PCSK5: variants seen among roughly 807,000 people sequenced by gnomAD.
PCSK5 encodes prohormone convertase 5.
Under a neutral mutation model 233.2 loss-of-function variants are expected in PCSK5, and 129 were observed. The ratio of observed to expected loss-of-function variants is 0.55; its 90% CI spans 0.48 to 0.64. The LOEUF (loss-of-function observed/expected upper bound fraction) is 0.64. Among genes scored for constraint, PCSK5 ranks in the 30% least tolerant of loss-of-function variants. The probability of loss-of-function intolerance (pLI) is 0.00; values close to 1 mark genes in which losing one functional copy is unlikely to be tolerated. For missense variants in PCSK5, 2,076 were observed against 2,430.1 expected (o/e 0.85, Z 3.06); for synonymous variants, 825 against 879.2 (o/e 0.94, Z 1.09).
chr9:76,121,567 A>G (rs1832630592), intron 9 of PCSK5, among the ~76,000 whole-genome samples: 1 of 152,226 alleles, frequency 6.6e-6, no homozygotes, highest in Non-Finnish European at 1.5e-5. Flanking sequence ...TAACATGGGT[A>G]GTAAACGGAG....
rs1438146544 is a variant in PCSK5, at chr9:76,359,928, T to C, written c.*1006T>C. ...AATATGCTGCTCACAAGCTGTACTC[T>C]AGCTGCTGACCAGCCTTCCAGCACT... is the stretch of plus-strand genomic sequence containing the variant. On this transcript the variant is annotated 3_prime_UTR_variant, in exon 38 of 38. Transcript: ENST00000674117. 1 of 152,210 alleles carries C rather than the reference T, an allele frequency of 6.6e-6. No individual in the cohort carries two copies. Among genetic ancestry groups the C allele is most frequent in the African/African-American group, 2.4e-5 (1 of 41,460 alleles). 9.4% of individuals were successfully genotyped at this position (152,210 alleles called of 1,614,324 possible).
Position 76,197,790 on chromosome 9 carries a change from G to A in PCSK5, c.2626+8044G>A, listed in dbSNP as rs541308443. On this transcript the variant is annotated intron_variant, in intron 20 of 37. Coordinates refer to ENST00000674117, the MANE Select transcript of PCSK5 (RefSeq NM_001372043.1). ...GACCTCACCCAGCCCAGGGCCCTGC[G>A]CCCAATATGTGTAGAAGACGGCACA... 7.9e-5 allele frequency among the ~76,000 whole-genome samples: 12 copies of A among 152,250 alleles called. No individual in the cohort carries two copies. In the South Asian group the frequency reaches 1.7e-3, roughly 21 times the overall value.
In PCSK5 at chr9:76,233,513, T is replaced by C. The variant is rs1299631012; in HGVS notation, c.2783T>C (p.Phe928Ser). Residue 928 changes from phenylalanine (F) to serine (S), a missense_variant, in exon 22 of 38, where the codon TTT (phenylalanine) becomes TCT (serine). Phe to Ser is a radical substitution (Grantham distance 155, BLOSUM62 -2). Transcript: ENST00000674117. Reference sequence around the variant, plus strand: ...AACTGCCCCTCATGGAAATTTGAATTTGAGAACCAATGCCATCCATGCCAC... The same window carrying C: ...AACTGCCCCTCATGGAAATTTGAATCTGAGAACCAATGCCATCCATGCCAC... ...VSNCPSWKFE[F>S]ENQCHPCHHT... 6.2e-7 allele frequency: 1 copy of C among 1,612,624 alleles called. No individual in the cohort carries two copies. Among genetic ancestry groups the C allele is most frequent in the African/African-American group, 1.3e-5 (1 of 74,918 alleles).
chr9:76,144,827 A>G (rs1207525660), intron 10 of PCSK5, among the ~76,000 whole-genome samples: 1 of 152,202 alleles, frequency 6.6e-6, no homozygotes, highest in Non-Finnish European at 1.5e-5. Flanking sequence ...CTAGAGTCAA[A>G]TAAAATTTTG....
intron 20 of PCSK5, among the ~76,000 whole-genome samples, chr9:76,202,871 GCA>G (rs1824970036): frequency 6.6e-6 from 1 of 152,126 alleles, no homozygotes; most frequent in Non-Finnish European, 1.5e-5. Context: ...TTTGATGGGG[GCA>G]AAGTCTGTAA....
intron 22 of PCSK5, 127 bp downstream of exon 22, chr9:76,233,723 G>T: frequency 1.2e-6 from 1 of 825,266 alleles, no homozygotes; most frequent in East Asian, 2.5e-5. Context: ...CTGTTCACTG[G>T]AGAGCGTGTA....
chr9:76,221,159 G>A (rs1478772404), intron 20 of PCSK5, among the ~76,000 whole-genome samples: 1 of 152,152 alleles, frequency 6.6e-6, no homozygotes, highest in Non-Finnish European at 1.5e-5. Flanking sequence ...AAAGAATGAT[G>A]GCCATTTTAA....
intron 24 of PCSK5, among the ~76,000 whole-genome samples, chr9:76,271,004 C>T (rs557233997): frequency 7.2e-5 from 11 of 151,972 alleles, no homozygotes; most frequent in Admixed American, 2.6e-4. Context: ...ATTAAGTGCC[C>T]GCTGTGTACT....
intron 8 of PCSK5, among the ~76,000 whole-genome samples, chr9:76,096,518 A>G (rs1831520589): frequency 6.6e-6 from 1 of 152,062 alleles, no homozygotes; most frequent in Admixed American, 6.5e-5. Context: ...CAGTGTGAAA[A>G]ACAAAAGTGT....
chr9:76,266,908 G>T (rs1236258823), intron 24 of PCSK5, among the ~76,000 whole-genome samples: 1 of 5,826 alleles, frequency 1.7e-4, no homozygotes, highest in African/African-American at 1.0e-3. Context: ...CCCATCTGGA[G>T]CACAAAACTG....
chr9:76,352,546 T>C (rs1323001072), intron 36 of PCSK5, among the ~76,000 whole-genome samples: 1 of 152,078 alleles, frequency 6.6e-6, no homozygotes, highest in East Asian at 1.9e-4. Context: ...TTTTGTATTT[T>C]TAGTAGAGAT....
At position 76,130,509 on chromosome 9, in the gene PCSK5, C is replaced by G. The variant is rs73650458; in HGVS notation, c.1209-3600C>G. Among the ~76,000 whole-genome samples the G allele has an allele frequency of 8.0e-3, 1,217 of 152,242 alleles. 15 individuals are homozygous for G. Among genetic ancestry groups the G allele is most frequent in the African/African-American group, 0.026 (1,098 of 41,554 alleles). The stretch of plus-strand genomic sequence containing the variant: ...TAACTCAAAGCCTCAGTTTTGTCGT[C>G]TGTGAAACAGGAATAAGAATGTTAC... On this transcript the variant is annotated intron_variant, in intron 9 of 37. Coordinates refer to ENST00000674117, the MANE Select transcript of PCSK5 (RefSeq NM_001372043.1).
intron 3 of PCSK5, among the ~76,000 whole-genome samples, chr9:76,007,919 G>C (rs1444968631): frequency 6.6e-6 from 1 of 151,624 alleles, no homozygotes; most frequent in Admixed American, 6.6e-5. Context: ...GAGATAAAGT[G>C]ATTTTCTTCA....
intron 12 of PCSK5, among the ~76,000 whole-genome samples, chr9:76,161,710 G>C (rs80169720): frequency 0.025 from 3,787 of 152,272 alleles, 165 homozygotes; most frequent in African/African-American, 0.086. Context: ...GTGAGCAGAG[G>C]AGCTATGGAT....
chr9:76,087,621 G>A (rs1309699814), intron 7 of PCSK5, among the ~76,000 whole-genome samples: 1 of 152,184 alleles, frequency 6.6e-6, no homozygotes, highest in East Asian at 1.9e-4. Flanking sequence ...TTTTGAAAGT[G>A]AGGTCGGCTG....
intron 24 of PCSK5, among the ~76,000 whole-genome samples, chr9:76,266,829 T>C (rs530258475): frequency 6.6e-6 from 1 of 152,314 alleles, no homozygotes; most frequent in South Asian, 2.1e-4. Context: ...TTGTCATCCA[T>C]GTAATTTGTG....
chr9:76,299,532 C>T (rs778805658), intron 27 of PCSK5, among the ~76,000 whole-genome samples: 3 of 151,938 alleles, frequency 2.0e-5, no homozygotes, highest in Non-Finnish European at 4.4e-5. Context: ...ATTAGCCGGG[C>T]GTGGTGGTCA....
chr9:76,282,874 G>A (rs1212206931), intron 24 of PCSK5, among the ~76,000 whole-genome samples: 1 of 152,140 alleles, frequency 6.6e-6, no homozygotes, highest in Non-Finnish European at 1.5e-5. Flanking sequence ...GGTCAAGATA[G>A]TAACATTAAC....
chr9:76,206,714 A>C (rs767406554), intron 20 of PCSK5, among the ~76,000 whole-genome samples: 1 of 152,226 alleles, frequency 6.6e-6, no homozygotes, highest in Non-Finnish European at 1.5e-5. Context: ...AGATAAAGTA[A>C]TTCATCCAAA....
Sources: gnomAD v4.1 joint callset for allele counts (sites outside exome capture counted in the v4.1 genomes callset) on GRCh38, gnomAD v4.1.1 for gene constraint, MANE v1.5 for transcripts, NCBI Gene and HGNC (gene_info 2026-07-23, HGNC 2026-07-21) for gene names.